The following FDFT1 variants were observed in gnomAD, a reference collection of about 807,000 sequenced individuals.
The protein encoded by FDFT1 is squalene synthase.
A neutral mutation model predicts 46.8 loss-of-function variants in FDFT1; 68 were observed. The observed-to-expected ratio is 1.45, with a 90% CI of 1.19 to 1.78. FDFT1 has a LOEUF of 1.78. FDFT1 is among the 40% of genes most tolerant of loss of function. FDFT1 has a pLI of 0.00. For synonymous variants in FDFT1, 351 were observed against 185.1 expected (o/e 1.90, Z -7.28); for missense variants, 928 against 524.4 (o/e 1.77, Z -7.52).
rs149299556 is a variant in FDFT1 at position 11,831,146 on chromosome 8, C to T, written c.880-372C>T. Among the ~76,000 whole-genome samples the T allele has an allele frequency of 4.4e-4, 67 of 152,264 alleles. 1 individual carries two copies. Among genetic ancestry groups the T allele is most frequent in the African/African-American group, 1.6e-3 (65 of 41,564 alleles). On this transcript the variant is annotated intron_variant, in intron 6 of 7. Transcript: ENST00000220584. ...GTTTGTTGTAGGAAAAATAGAAAAACAACTACAATAGAAAATTCTTCCCAT... is the reference window on the plus strand; with the variant it reads ...GTTTGTTGTAGGAAAAATAGAAAAATAACTACAATAGAAAATTCTTCCCAT...
chr8:11,821,813 A>G lies in FDFT1; in HGVS notation c.445A>G (p.Arg149Gly). 1 of 1,613,822 alleles carries G rather than the reference A, an allele frequency of 6.2e-7. No individual in the cohort carries two copies. The highest frequency in any genetic ancestry group is 8.5e-7 in the Non-Finnish European group (1 of 1,179,768). ...AACAGTGATTGCCGACATTTGCCGG[A>G]GAATGGGCATTGGGATGGCAGAGTT... ...YQTVIADICR[R>G]MGIGMAEFLD... Residue 149 changes from arginine to glycine, a missense_variant, in exon 4 of 8, where the codon AGA becomes GGA. Coordinates refer to ENST00000220584, the MANE Select transcript of FDFT1 (RefSeq NM_004462.5).
chr8:11,817,462 C>G (rs750406958), intron 3 of FDFT1, among the ~76,000 whole-genome samples: 3 of 152,152 alleles, frequency 2.0e-5, no homozygotes, highest in Non-Finnish European at 2.9e-5. Flanking sequence ...CTTTGTACCT[C>G]TGGTAGAATT....
At chr8:11,816,182 G>A (rs988962399) in intron 3 of FDFT1, among the ~76,000 whole-genome samples, 9 of 152,160 alleles carry the variant, frequency 5.9e-5, no homozygotes, top group Non-Finnish European at 1.3e-4. Flanking sequence ...GGCTGTAGAT[G>A]TGTAGTGTTA....
intron 3 of FDFT1, among the ~76,000 whole-genome samples, chr8:11,813,731 G>C (rs904981920): frequency 3.3e-5 from 5 of 152,128 alleles, no homozygotes; most frequent in African/African-American, 7.2e-5. Flanking sequence ...CTTCCTTCTT[G>C]TACTTGGAAC....
rs560249674 is a variant in FDFT1, at chr8:11,824,738, CTGT to C, written c.511-1275_511-1273del. ...ATTGAATGTGCAGAGTTCTTTTTTT[CTGT>C]TGTTGTTGTTTTGAGACGGAGTCTC... On this transcript the variant is annotated intron_variant, in intron 4 of 7. Coordinates refer to ENST00000220584, the MANE Select transcript of FDFT1 (RefSeq NM_004462.5). Among the ~76,000 whole-genome samples, 263 of 151,532 alleles carry C rather than the reference CTGT, an allele frequency of 1.7e-3. 2 individuals carry two copies. The highest frequency in any genetic ancestry group is 5.9e-3 in the African/African-American group (244 of 41,298).
At chr8:11,822,211 T>C (rs2130815400) in intron 4 of FDFT1, among the ~76,000 whole-genome samples, 1 of 152,354 alleles carries the variant, frequency 6.6e-6, no homozygotes, top group Admixed American at 6.5e-5. Context: ...GGAATGGTGT[T>C]TGTGAGACTT....
intron 4 of FDFT1, 81 bp downstream of exon 4, chr8:11,821,959 A>G (rs1809314958): frequency 1.3e-6 from 2 of 1,527,996 alleles, no homozygotes; most frequent in African/African-American, 1.4e-5. Context: ...GAACAAGAAA[A>G]GTTGTCCAGT....
chr8:11,810,516 G>A (rs1197944762), intron 3 of FDFT1, among the ~76,000 whole-genome samples: 2 of 152,100 alleles, frequency 1.3e-5, no homozygotes, highest in Non-Finnish European at 2.9e-5. Flanking sequence ...GATTAATTTC[G>A]CACATATAAA....
intron 7 of FDFT1, among the ~76,000 whole-genome samples, chr8:11,834,778 C>T (rs1811315057): frequency 6.6e-6 from 1 of 152,188 alleles, no homozygotes; most frequent in Admixed American, 6.5e-5. Context: ...TGTAGCACAG[C>T]ATTGCACAAG....
intron 7 of FDFT1, among the ~76,000 whole-genome samples, chr8:11,834,213 G>A (rs868548430): frequency 6.6e-6 from 1 of 152,228 alleles, no homozygotes; most frequent in Non-Finnish European, 1.5e-5. Flanking sequence ...AGTGCTTAGT[G>A]GGGGCTTGGA....
intron 5 of FDFT1, among the ~76,000 whole-genome samples, chr8:11,829,540 G>C (rs1395661647): frequency 6.6e-6 from 1 of 152,228 alleles, no homozygotes; most frequent in African/African-American, 2.4e-5. Context: ...GCCATCTTGA[G>C]AAGGTTTACT....
At chr8:11,798,348 C>G (rs966278089), upstream of FDFT1, among the ~76,000 whole-genome samples, 8 of 152,240 alleles carry the variant, frequency 5.3e-5, no homozygotes, top group Non-Finnish European at 1.0e-4. Context: ...GTGTGAGCCA[C>G]TGCACCCAGC....
chr8:11,803,008 C>A, intron 1 of FDFT1, 77 bp downstream of exon 1: 2 of 1,530,994 alleles, frequency 1.3e-6, no homozygotes, highest in East Asian at 4.9e-5. Context: ...GCGGCCGGGC[C>A]CGGATCTGGG....
intron 5 of FDFT1, among the ~76,000 whole-genome samples, 179 bp from the exon 6 acceptor site, chr8:11,830,065 C>T (rs528714390): frequency 1.3e-5 from 2 of 152,186 alleles, no homozygotes; most frequent in Non-Finnish European, 2.9e-5. Context: ...CCAGGCTGGT[C>T]TTGAACTCCT....
chr8:11,831,140 G>C (rs570556944), intron 6 of FDFT1, among the ~76,000 whole-genome samples: 98 of 152,260 alleles, frequency 6.4e-4, no homozygotes, highest in East Asian at 5.8e-4. Context: ...AGGAAAAATA[G>C]AAAAACAACT....
intron 3 of FDFT1, among the ~76,000 whole-genome samples, chr8:11,812,318 C>T (rs775889371): frequency 5.9e-5 from 9 of 152,234 alleles, no homozygotes; most frequent in Non-Finnish European, 8.8e-5. Context: ...CAGGTGGGAA[C>T]GTGCCACCAT....
At chr8:11,815,549 A>G (rs1808328582) in intron 3 of FDFT1, among the ~76,000 whole-genome samples, 1 of 152,180 alleles carries the variant, frequency 6.6e-6, no homozygotes, top group Non-Finnish European at 1.5e-5. Context: ...CTGACTTTTT[A>G]AATGATCGCC....
chr8:11,813,721 C>T (rs1403682834), intron 3 of FDFT1, among the ~76,000 whole-genome samples: 1 of 152,210 alleles, frequency 6.6e-6, no homozygotes, highest in East Asian at 1.9e-4. Context: ...GCTCTGGGAC[C>T]TTCCTTCTTG....
At chr8:11,831,706 C>G (rs561013725) in intron 7 of FDFT1, 36 bp downstream of exon 7, 1 of 1,551,278 alleles carries the variant, frequency 6.4e-7, no homozygotes, top group African/African-American at 1.4e-5. Context: ...TAATTTGTAG[C>G]TACTTTTATG....
Sources: gnomAD v4.1 joint callset for allele counts (sites outside exome capture counted in the v4.1 genomes callset) on GRCh38, gnomAD v4.1.1 for gene constraint, MANE v1.5 for transcripts, NCBI Gene and HGNC (gene_info 2026-07-23, HGNC 2026-07-21) for gene names.